The following CTNND2 variants were observed in gnomAD, a reference collection of about 807,000 sequenced individuals.
The protein encoded by CTNND2 is catenin delta-2.
CTNND2 carries 22 observed loss-of-function variants against 144.4 expected under a neutral mutation model. The ratio of observed to expected loss-of-function variants is 0.15; its 90% confidence interval spans 0.11 to 0.22. The LOEUF (loss-of-function observed/expected upper bound fraction) is 0.22. Among genes scored for constraint, CTNND2 ranks in the 10% least tolerant of loss-of-function variants. The pLI, the probability that CTNND2 is intolerant of heterozygous loss-of-function variation, is 1.00. For synonymous variants in CTNND2, 751 were observed against 695.6 expected (o/e 1.08, Z -1.25); for missense variants, 1,353 against 1,618.8 (o/e 0.84, Z 2.82).
chr5:11,624,293 A>G (rs2126441181), intron 2 of CTNND2, among the ~76,000 whole-genome samples: 1 of 152,274 alleles, frequency 6.6e-6, no homozygotes, highest in South Asian at 2.1e-4. Context: ...AATACTGAAC[A>G]GTAGTCACAT....
At chr5:11,901,078 T>C (rs1319414455) in intron 1 of CTNND2, among the ~76,000 whole-genome samples, 2 of 152,234 alleles carry the variant, frequency 1.3e-5, no homozygotes, top group East Asian at 3.8e-4. Context: ...TTCAATTGGC[T>C]TGTTACAGCT....
At chr5:11,216,414 A>T in intron 10 of CTNND2, among the ~76,000 whole-genome samples, 1 of 152,240 alleles carries the variant, frequency 6.6e-6, no homozygotes, top group East Asian at 1.9e-4. Flanking sequence ...AGCCGAAGAG[A>T]GTGGCAGGAG....
intron 16 of CTNND2, among the ~76,000 whole-genome samples, chr5:11,063,191 T>G: frequency 6.6e-6 from 1 of 152,278 alleles, no homozygotes; most frequent in East Asian, 1.9e-4. Flanking sequence ...GTAATGTTTC[T>G]CGGTATTTAA....
intron 3 of CTNND2, among the ~76,000 whole-genome samples, chr5:11,429,936 G>A (rs1581176450): frequency 1.3e-5 from 2 of 152,186 alleles, no homozygotes; most frequent in Admixed American, 1.3e-4. Context: ...AATTGCTGGA[G>A]TTAATCTTCA....
intron 9 of CTNND2, among the ~76,000 whole-genome samples, chr5:11,281,800 G>A (rs549146404): frequency 1.6e-4 from 25 of 152,206 alleles, no homozygotes; most frequent in East Asian, 5.8e-4. Flanking sequence ...ATTGGGTGAC[G>A]GCCAATTTTC....
chr5:11,229,498 G>C (rs1362971159), intron 10 of CTNND2, among the ~76,000 whole-genome samples: 4 of 151,982 alleles, frequency 2.6e-5, no homozygotes. Flanking sequence ...ACTCCAGCCT[G>C]GGTGACAGAA....
chr5:11,385,214 C>G lies in CTNND2; in HGVS notation c.628G>C (p.Ala210Pro). ...QSFSQGTTSR[A>P]GHLAGPEPAP... Reference sequence around the variant, plus strand: ...GGCTCGGGCCCCGCCAGGTGGCCGGCGCGGCTGGTCGTGCCCTGTGCCCGG... The same window carrying G: ...GGCTCGGGCCCCGCCAGGTGGCCGGGGCGGCTGGTCGTGCCCTGTGCCCGG... The change falls in exon 7 of 22, where the codon GCC becomes CCC. Residue 210 changes from alanine (A) to proline (P), a missense_variant. Transcript: ENST00000304623. 1 of 1,055,176 alleles carries G rather than the reference C, an allele frequency of 9.5e-7. No homozygotes were observed. Among genetic ancestry groups the G allele is most frequent in the Non-Finnish European group, 1.1e-6 (1 of 876,498 alleles). 65.4% of individuals were successfully genotyped at this position (1,055,176 alleles called of 1,614,324 possible). A position where few individuals can be genotyped will look rare whatever the true frequency, so the allele number is the denominator to read the frequency against.
intron 9 of CTNND2, among the ~76,000 whole-genome samples, chr5:11,275,081 C>T (rs141442844): frequency 2.0e-5 from 3 of 151,994 alleles, no homozygotes; most frequent in Non-Finnish European, 2.9e-5. Context: ...CAGGTTAATG[C>T]GTGGGTGGGA....
intron 2 of CTNND2, among the ~76,000 whole-genome samples, chr5:11,662,117 GTA>G (rs199809502): frequency 0.023 from 3,263 of 141,586 alleles, 125 homozygotes; most frequent in African/African-American, 0.08. Flanking sequence ...ATGTGTGTGT[GTA>G]TATATATATA....
intron 3 of CTNND2, among the ~76,000 whole-genome samples, chr5:11,508,217 A>G (rs536230799): frequency 1.6e-4 from 24 of 152,304 alleles, no homozygotes; most frequent in African/African-American, 5.8e-4. Flanking sequence ...TTGCTTGTAA[A>G]TATTTCCTTT....
At chr5:11,055,628 C>T (rs1033481861) in intron 16 of CTNND2, among the ~76,000 whole-genome samples, 3 of 152,246 alleles carry the variant, frequency 2.0e-5, no homozygotes, top group Non-Finnish European at 4.4e-5. Flanking sequence ...CAGTCTCCCA[C>T]CTCCATCTCC....
At chr5:11,650,045 T>G (rs897820820) in intron 2 of CTNND2, among the ~76,000 whole-genome samples, 6 of 152,210 alleles carry the variant, frequency 3.9e-5, no homozygotes, top group African/African-American at 1.4e-4. Flanking sequence ...TAGTCAGTGA[T>G]ATGATTTGAA....
At chr5:11,339,932 A>C (rs948399686) in intron 9 of CTNND2, among the ~76,000 whole-genome samples, 1 of 152,332 alleles carries the variant, frequency 6.6e-6, no homozygotes, top group African/African-American at 2.4e-5. Flanking sequence ...AAATTAATAC[A>C]CTATGGTTAT....
Position 11,022,974 on chromosome 5 carries a change from A to G in CTNND2, c.2794T>C (p.Tyr932His). ...CTGTGGACTAGGTCTCGCATGGCGT[A>G]TTTGCCTGGAAAAGAAAATAAAGAG... ...DVRNKELIGKYAMRDLVHRLP... is the reference protein window; with the variant it reads ...DVRNKELIGKHAMRDLVHRLP... Residue 932 changes from tyrosine (Y) to histidine (H), a missense_variant, in exon 17 of 22, where the codon TAC becomes CAC. By Grantham distance (83) the Tyr-to-His change is moderately conservative. This residue lies in a region of CTNND2 where 459 missense variants were observed against 674.3 expected (regional missense o/e 0.68). Coordinates refer to ENST00000304623, the MANE Select transcript of CTNND2 (RefSeq NM_001332.4). 1 of 1,614,074 alleles carries G rather than the reference A, an allele frequency of 6.2e-7. No individual in the cohort carries two copies. Among genetic ancestry groups the G allele is most frequent in the Non-Finnish European group, 8.5e-7 (1 of 1,179,956 alleles).
At chr5:11,579,660 T>C (rs1778260870) in intron 2 of CTNND2, among the ~76,000 whole-genome samples, 3 of 152,200 alleles carry the variant, frequency 2.0e-5, no homozygotes, top group African/African-American at 7.2e-5. Flanking sequence ...TCTTACACCA[T>C]AAGCTCAACT....
chr5:11,047,078 G>C (rs761033844), intron 16 of CTNND2, among the ~76,000 whole-genome samples: 4 of 152,186 alleles, frequency 2.6e-5, no homozygotes, highest in Middle Eastern at 3.2e-3. Context: ...ATGAATTTCC[G>C]GAGGGTTAAT....
At chr5:11,155,446 T>C (rs1758132462) in intron 12 of CTNND2, among the ~76,000 whole-genome samples, 1 of 152,190 alleles carries the variant, frequency 6.6e-6, no homozygotes, top group Non-Finnish European at 1.5e-5. Flanking sequence ...TTTTAAAATG[T>C]TTTTTGTTAA....
intron 1 of CTNND2, among the ~76,000 whole-genome samples, chr5:11,748,209 C>T (rs4235607): frequency 0.88 from 133,104 of 152,042 alleles, 60,486 homozygotes; most frequent in Non-Finnish European, 0.99. Context: ...TGAATAGAGC[C>T]ATAATAATTT....
intron 3 of CTNND2, among the ~76,000 whole-genome samples, chr5:11,547,351 A>C (rs1188929857): frequency 6.6e-6 from 1 of 151,954 alleles, no homozygotes; most frequent in African/African-American, 2.4e-5. Context: ...TACAATTCAC[A>C]GAATAAATAA....
Sources: gnomAD v4.1 joint callset for allele counts (sites outside exome capture counted in the v4.1 genomes callset) on GRCh38, gnomAD v4.1.1 for gene constraint, gnomAD v4.1.1 regional missense constraint, MANE v1.5 for transcripts, NCBI Gene and HGNC (gene_info 2026-07-23, HGNC 2026-07-21) for gene names.